Variants in LINGO2 observed in about 807,000 individuals in gnomAD.
LINGO2 encodes leucine rich repeat and Ig domain containing 2.
In LINGO2, 14 loss-of-function variants were observed where a neutral mutation model predicts 30.6. The ratio of observed to expected loss-of-function variants is 0.46; its 90% CI spans 0.30 to 0.72. The LOEUF (loss-of-function observed/expected upper bound fraction) is 0.72, where lower values mean the gene tolerates loss of function less well. LINGO2 is among the 30% of genes least tolerant of loss of function. LINGO2 has a pLI of 0.07. For missense variants in LINGO2, 729 were observed against 751.7 expected (o/e 0.97, Z 0.35); for synonymous variants, 317 against 288.5 (o/e 1.10, Z -1.00).
At chr9:28,250,451 T>A (rs532704221) in intron 4 of LINGO2, among the ~76,000 whole-genome samples, 6 of 152,150 alleles carry the variant, frequency 3.9e-5, no homozygotes, top group Non-Finnish European at 7.3e-5. Context: ...AAGCAGGCAA[T>A]ACAGGACATC....
chr9:28,320,046 T>C (rs548989684), intron 3 of LINGO2, among the ~76,000 whole-genome samples: 22 of 152,226 alleles, frequency 1.4e-4, no homozygotes, highest in Admixed American at 1.2e-3. Flanking sequence ...ATTGCTCCTA[T>C]GGAATTCCAG....
the LINGO2 span, among the ~76,000 whole-genome samples, chr9:28,778,322 GT>G: frequency 6.6e-6 from 1 of 152,112 alleles, no homozygotes; most frequent in Non-Finnish European, 1.5e-5. Context: ...AATAATTTAT[GT>G]GATTTTTTTT....
chr9:28,473,885 C>G (rs1235081929), intron 2 of LINGO2, among the ~76,000 whole-genome samples: 3 of 152,004 alleles, frequency 2.0e-5, no homozygotes, highest in African/African-American at 7.2e-5. Flanking sequence ...TAAGCTAAAT[C>G]AAGCACTGCT....
chr9:28,896,476 T>A, the LINGO2 span, among the ~76,000 whole-genome samples: 2 of 28,428 alleles, frequency 7.0e-5, no homozygotes, highest in Non-Finnish European at 2.2e-4. Flanking sequence ...AGCTAGAATA[T>A]GAGCAAGAAA....
At chr9:28,387,032 A>C (rs1821609397) in intron 2 of LINGO2, among the ~76,000 whole-genome samples, 1 of 152,210 alleles carries the variant, frequency 6.6e-6, no homozygotes, top group Admixed American at 6.5e-5. Context: ...TGAGAGGTGA[A>C]GCCAGCTGGA....
At chr9:27,949,088 G>A in exon 6 of LINGO2, 2 of 1,614,190 alleles carry the variant, frequency 1.2e-6, no homozygotes, top group Non-Finnish European at 1.7e-6. Flanking sequence ...TGGCATTGGT[G>A]CCATTGGAAA....
At chr9:28,533,947 T>G (rs569938064) in intron 1 of LINGO2, among the ~76,000 whole-genome samples, 51 of 152,294 alleles carry the variant, frequency 3.3e-4, no homozygotes, top group African/African-American at 1.2e-3. Flanking sequence ...TATATACACT[T>G]GAAGATCTTC....
chr9:28,636,353 G>A (rs769664339), intron 1 of LINGO2, among the ~76,000 whole-genome samples: 15 of 151,998 alleles, frequency 9.9e-5, no homozygotes, highest in East Asian at 9.7e-4. Flanking sequence ...ATGGGATGGC[G>A]GGGACAAATG....
At chr9:29,009,297 C>T in the LINGO2 span, among the ~76,000 whole-genome samples, 1 of 152,120 alleles carries the variant, frequency 6.6e-6, no homozygotes, top group Non-Finnish European at 1.5e-5. Context: ...ATTGTCTCAG[C>T]CCAAAATCTC....
the LINGO2 span, among the ~76,000 whole-genome samples, chr9:28,725,104 C>T: frequency 1.3e-5 from 2 of 152,000 alleles, no homozygotes; most frequent in South Asian, 4.1e-4. Flanking sequence ...ATGATCTATT[C>T]CATGAGGCAA....
chr9:28,732,288 G>A, the LINGO2 span, among the ~76,000 whole-genome samples: 1 of 151,636 alleles, frequency 6.6e-6, no homozygotes, highest in African/African-American at 2.4e-5. Flanking sequence ...AAAATTTTTA[G>A]ACTTTTGCCA....
At chr9:29,073,622 A>T in the LINGO2 span, among the ~76,000 whole-genome samples, 2 of 152,332 alleles carry the variant, frequency 1.3e-5, no homozygotes, top group African/African-American at 4.8e-5. Context: ...GACTGCTTTT[A>T]AACTATAACA....
At chr9:28,019,347 G>C (rs1231753258) in intron 4 of LINGO2, among the ~76,000 whole-genome samples, 2 of 148,988 alleles carry the variant, frequency 1.3e-5, no homozygotes, top group African/African-American at 5.0e-5. Context: ...CTTAGTAATG[G>C]ATTAGCAAAC....
chr9:28,860,054 A>G, the LINGO2 span, among the ~76,000 whole-genome samples: 2 of 152,104 alleles, frequency 1.3e-5, 1 homozygote, highest in Non-Finnish European at 2.9e-5. Flanking sequence ...TGAATTTCCA[A>G]TAAATTAAAT....
At chr9:28,460,830 G>A (rs1001211567) in intron 2 of LINGO2, among the ~76,000 whole-genome samples, 5 of 152,004 alleles carry the variant, frequency 3.3e-5, no homozygotes, top group Non-Finnish European at 5.9e-5. Context: ...TGGGGGGAGG[G>A]GTGGAGGAGT....
At chr9:28,285,398 A>ATTTTTTTTTTT (rs34034595) in intron 4 of LINGO2, among the ~76,000 whole-genome samples, 2 of 76,202 alleles carry the variant, frequency 2.6e-5, no homozygotes, top group Non-Finnish European at 4.6e-5. Flanking sequence ...GCCCAAGATC[A>ATTTTTTTTTTT]TTTTTTTTTT....
the LINGO2 span, among the ~76,000 whole-genome samples, chr9:28,722,827 A>T: frequency 6.6e-6 from 1 of 152,080 alleles, no homozygotes; most frequent in African/African-American, 2.4e-5. Flanking sequence ...CAGCCTTGTG[A>T]TAAGTCGTTC....
intron 3 of LINGO2, among the ~76,000 whole-genome samples, chr9:28,311,799 C>T (rs928154324): frequency 2.6e-5 from 4 of 152,120 alleles, no homozygotes; most frequent in Admixed American, 2.6e-4. Flanking sequence ...CATACATCCC[C>T]CTTAGCTTAC....
intron 4 of LINGO2, among the ~76,000 whole-genome samples, chr9:28,210,682 G>A (rs976631190): frequency 1.3e-5 from 2 of 151,686 alleles, no homozygotes; most frequent in Non-Finnish European, 3.0e-5. Context: ...AGAGAGAAGA[G>A]AGAAGAAAGC....
Sources: allele counts gnomAD v4.1 joint callset (sites outside exome capture counted in the v4.1 genomes callset), GRCh38; gene constraint gnomAD v4.1.1; transcripts MANE v1.5; gene names NCBI Gene and HGNC (gene_info 2026-07-23, HGNC 2026-07-21).